Variants in MRFAP1L1 observed in about 807,000 individuals in gnomAD.
MRFAP1L1 encodes Morf4 family associated protein 1 like 1.
In MRFAP1L1, 9 loss-of-function variants were observed where a neutral mutation model predicts 10.6. The ratio of observed to expected loss-of-function variants is 0.85; its 90% CI spans 0.51 to 1.48. The LOEUF (loss-of-function observed/expected upper bound fraction) is 1.48. Ranked by LOEUF, MRFAP1L1 falls within the 40% of genes most tolerant of loss-of-function variation. The pLI is 0.00. For missense variants in MRFAP1L1, 177 were observed against 171.4 expected, an observed-to-expected ratio of 1.03 and a Z score of -0.18; for synonymous variants, 78 against 70.4, an observed-to-expected ratio of 1.11 and a Z score of -0.54.
In MRFAP1L1 at chr4:6,709,527, T is replaced by C. The variant is rs757128265; in HGVS notation, c.103A>G (p.Met35Val). 4.3e-6 allele frequency: 7 copies of C among 1,614,156 alleles called. No individual in the cohort carries two copies. Among genetic ancestry groups the C allele is most frequent in the Non-Finnish European group, 5.9e-6 (7 of 1,180,052 alleles). Residue 35 changes from methionine to valine, a missense_variant, in exon 1 of 2, where the codon ATG (methionine) becomes GTG (valine). Physicochemically the swap from Met to Val is conservative, Grantham distance 21. Transcript: ENST00000320848. ...EQFLLPVINE[M>V]REDIASLIRE... ...ATAAGAGACGCGATGTCCTCGCGCA[T>C]CTCGTTGATGACCGGGAGCAGGAAC...
rs1577327100 is a variant in MRFAP1L1, at chr4:6,709,860, G to A, written c.-231C>T. ...CACACAAATAAGCGGCCTACAAAAT[G>A]GAGTCGCAGCCGTCAACTCGCCCTC... On this transcript the variant is annotated 5_prime_UTR_variant, in exon 1 of 2. Coordinates refer to ENST00000320848, the MANE Select transcript of MRFAP1L1 (RefSeq NM_203462.3). 3.4e-6 allele frequency: 2 copies of A among 588,708 alleles called. No homozygotes were observed. Among genetic ancestry groups the A allele is most frequent in the East Asian group, 6.2e-5 (2 of 32,274 alleles). 36.5% of individuals were successfully genotyped at this position (588,708 alleles called of 1,614,324 possible).
At position 6,709,262 on chromosome 4, in the gene MRFAP1L1, C is replaced by T. The variant is rs908386991; in HGVS notation, c.368G>A (p.Arg123Lys). Residue 123 changes from arginine (R) to lysine (K), a missense_variant, in exon 1 of 2, where the codon AGA becomes AAA. Arg to Lys is a conservative substitution (Grantham distance 26). Transcript: ENST00000320848. Reference sequence around the variant, plus strand: ...TCTCCTCCTTCAAGAAGACTCGCTTCTCTCTATTCGCCAGACGAGCTCGAC... The same window carrying T: ...TCTCCTCCTTCAAGAAGACTCGCTTTTCTCTATTCGCCAGACGAGCTCGAC... ...MLVELVWRIE[R>K]SESS 8 of 1,613,580 alleles carry T rather than the reference C, an allele frequency of 5.0e-6. No homozygotes were observed. Among genetic ancestry groups the T allele is most frequent in the Admixed American group, 1.7e-5 (1 of 60,010 alleles).
rs1454771119 is a variant in MRFAP1L1, at chr4:6,709,471, G to A, written c.159C>T (p.Thr53=). Residue 53 remains threonine, a synonymous_variant, in exon 1 of 2, where the codon ACC becomes ACT. Coordinates refer to ENST00000320848, the MANE Select transcript of MRFAP1L1 (RefSeq NM_203462.3). ...TGTCCATCTCCCACAGCTTGCTCCT[G>A]GTCCGCAGGTACGCCCGCCCGTGCT... ...IREHGRAYLR[T]RSKLWEMDNM... is the part of the protein sequence containing the mutation. 1 of 1,614,256 alleles carries A rather than the reference G, an allele frequency of 6.2e-7. No homozygotes were observed. The highest frequency in any genetic ancestry group is 1.7e-5 in the Admixed American group (1 of 60,028).
rs1714653826 is a variant in MRFAP1L1 at position 6,708,164 on chromosome 4, A to C, written c.*495T>G. Reference sequence around the variant, plus strand: ...ATATACAAAACCATCTTCCATCTCCAACTGTCTTCTCTTTCTTCCCAGTTT... The same window carrying C: ...ATATACAAAACCATCTTCCATCTCCCACTGTCTTCTCTTTCTTCCCAGTTT... On this transcript the variant is annotated 3_prime_UTR_variant, in exon 2 of 2. Coordinates refer to ENST00000320848, the MANE Select transcript of MRFAP1L1 (RefSeq NM_203462.3). 1 of 152,592 alleles carries C rather than the reference A, an allele frequency of 6.6e-6. No individual in the cohort carries two copies. The highest frequency in any genetic ancestry group is 2.4e-5 in the African/African-American group (1 of 41,424). The allele number at this position is 152,592 out of a possible 1,614,324, so 9.5% of individuals were successfully genotyped here.
intron 1 of MRFAP1L1, 143 bp downstream of exon 1, chr4:6,709,088 C>G: frequency 1.1e-6 from 1 of 948,042 alleles, no homozygotes; most frequent in Non-Finnish European, 1.6e-6. Flanking sequence ...CTCTTGACCC[C>G]AACTTTGTTC....
rs1393021024 is a variant in MRFAP1L1 at position 6,709,390 on chromosome 4, A to AT, written c.239dup (p.Asn80LysfsTer22). The AT allele has an allele frequency of 1.2e-6, 2 of 1,614,078 alleles. No individual in the cohort carries two copies. The highest frequency in any genetic ancestry group is 2.7e-5 in the African/African-American group (2 of 74,920). On this transcript the variant is annotated frameshift_variant, in exon 1 of 2. Coordinates refer to ENST00000320848, the MANE Select transcript of MRFAP1L1 (RefSeq NM_203462.3). LOFTEE classifies it high-confidence loss of function. The stretch of plus-strand genomic sequence containing the variant: ...CTTCGCCACTCGGGTGCTGCACGTG[A>AT]TTGAGGGCGCTCTCCTCCGAGGCCT...
rs1714665441 is a variant in MRFAP1L1 at position 6,708,431 on chromosome 4, A to G, written c.*228T>C. On this transcript the variant is annotated 3_prime_UTR_variant, in exon 2 of 2. Transcript: ENST00000320848. ...TTAATTAAGCCCCATTTCTCTTCTG[A>G]GAGTATTTCTTTGACAAAAGTTATA... 2 of 152,274 alleles carry G rather than the reference A, an allele frequency of 1.3e-5. No homozygotes were observed. The highest frequency in any genetic ancestry group is 4.1e-4 in the South Asian group (2 of 4,836). The allele number at this position is 152,274 out of a possible 1,614,324, so 9.4% of individuals were successfully genotyped here.
intron 1 of MRFAP1L1, 128 bp downstream of exon 1, chr4:6,709,103 T>A (rs1396634582): frequency 3.3e-5 from 35 of 1,055,696 alleles, no homozygotes; most frequent in Non-Finnish European, 4.7e-5. Flanking sequence ...TTGTTCCCAA[T>A]GCTCAATTTT....
At chr4:6,708,720 G>A (rs1714676422) in intron 1 of MRFAP1L1, 77 bp from the exon 2 acceptor site, 1 of 155,442 alleles carries the variant, frequency 6.4e-6, no homozygotes, top group Non-Finnish European at 1.4e-5. Context: ...AAAAATAAAT[G>A]TGAACCACCC....
chr4:6,709,120 A>G, intron 1 of MRFAP1L1, 111 bp downstream of exon 1: 1 of 1,201,874 alleles, frequency 8.3e-7, no homozygotes, highest in Non-Finnish European at 1.2e-6. Context: ...TTTTTGATGC[A>G]ATAAAATGGG....
chr4:6,709,193 T>A (rs975476253), intron 1 of MRFAP1L1, 38 bp downstream of exon 1: 1 of 1,592,858 alleles, frequency 6.3e-7, no homozygotes, highest in Non-Finnish European at 8.6e-7. Context: ...GGGCGACTAC[T>A]GAGTTTCATC....
rs772245804 is a variant in MRFAP1L1 at position 6,708,472 on chromosome 4, A to G, written c.*187T>C. The G allele has an allele frequency of 2.0e-5, 3 of 152,262 alleles. No homozygotes were observed. Among genetic ancestry groups the G allele is most frequent in the Admixed American group, 6.5e-5 (1 of 15,290 alleles). The allele number at this position is 152,262 out of a possible 1,614,324, so 9.4% of individuals were successfully genotyped here. Reference sequence around the variant, plus strand: ...AAAAGTTATATTTCCAAAACCAAACACATTTGATAATCTAAATCCATATCG... The same window carrying G: ...AAAAGTTATATTTCCAAAACCAAACGCATTTGATAATCTAAATCCATATCG... On this transcript the variant is annotated 3_prime_UTR_variant, in exon 2 of 2. Transcript: ENST00000320848.
rs1714741145 is a variant in MRFAP1L1, at chr4:6,709,856, A to C, written c.-227T>G. 1.7e-6 allele frequency: 1 copy of C among 604,304 alleles called. No homozygotes were observed. Among genetic ancestry groups the C allele is most frequent in the Non-Finnish European group, 2.8e-6 (1 of 352,738 alleles). The allele number at this position is 604,304 out of a possible 1,614,324, so 37.4% of individuals were successfully genotyped here. On this transcript the variant is annotated 5_prime_UTR_variant, in exon 1 of 2. Coordinates refer to ENST00000320848, the MANE Select transcript of MRFAP1L1 (RefSeq NM_203462.3). ...GATGCACACAAATAAGCGGCCTACA[A>C]AATGGAGTCGCAGCCGTCAACTCGC...
At chr4:6,708,952 T>G (rs1714686105) in intron 1 of MRFAP1L1, 3 of 426,376 alleles carry the variant, frequency 7.0e-6, no homozygotes, top group Admixed American at 3.7e-5. Flanking sequence ...CTATTAGAAT[T>G]GACTTTTATG....
chr4:6,709,452 T>C lies in MRFAP1L1; in HGVS notation c.178A>G (p.Met60Val). Reference sequence around the variant, plus strand: ...TTGATCTGGATAAGCATATTGTCCATCTCCCACAGCTTGCTCCTGGTCCGC... The same window carrying C: ...TTGATCTGGATAAGCATATTGTCCACCTCCCACAGCTTGCTCCTGGTCCGC... ...YLRTRSKLWE[M>V]DNMLIQIKTQ... The change falls in exon 1 of 2, where the codon ATG becomes GTG. Residue 60 changes from methionine to valine, a missense_variant. Physicochemically the swap from Met to Val is conservative, Grantham distance 21 (BLOSUM62 1). Transcript: ENST00000320848. 1 of 1,614,252 alleles carries C rather than the reference T, an allele frequency of 6.2e-7. No individual in the cohort carries two copies. Among genetic ancestry groups the C allele is most frequent in the Non-Finnish European group, 8.5e-7 (1 of 1,180,050 alleles).
In MRFAP1L1 at chr4:6,707,999, A is replaced by G. The variant is rs1268241847; in HGVS notation, c.*660T>C. On this transcript the variant is annotated 3_prime_UTR_variant, in exon 2 of 2. Transcript: ENST00000320848. Reference sequence around the variant, plus strand: ...GTGTGAGGGTATTACAATAGTCCCTATTCAAACTGCCTTGTCATAAAAGGT... The same window carrying G: ...GTGTGAGGGTATTACAATAGTCCCTGTTCAAACTGCCTTGTCATAAAAGGT... 6.6e-6 allele frequency: 1 copy of G among 152,504 alleles called. No individual in the cohort carries two copies. The highest frequency in any genetic ancestry group is 6.6e-5 in the Admixed American group (1 of 15,256). The allele number at this position is 152,504 out of a possible 1,614,324, so 9.4% of individuals were successfully genotyped here. A position where few individuals can be genotyped will look rare whatever the true frequency, so the allele number is the denominator to read the frequency against.
rs1714717397 is a variant in MRFAP1L1, at chr4:6,709,496, T to C, written c.134A>G (p.Glu45Gly). The C allele has an allele frequency of 6.2e-7, 1 of 1,614,140 alleles. No homozygotes were observed. The highest frequency in any genetic ancestry group is 1.1e-5 in the South Asian group (1 of 91,096). ...GGTCCGCAGGTACGCCCGCCCGTGC[T>C]CGCGTATAAGAGACGCGATGTCCTC... ...MREDIASLIR[E>G]HGRAYLRTRS... The change falls in exon 1 of 2, where the codon GAG becomes GGG. Residue 45 changes from glutamate (E) to glycine (G), a missense_variant. By Grantham distance (98) the Glu-to-Gly change is moderately conservative. Coordinates refer to ENST00000320848, the MANE Select transcript of MRFAP1L1 (RefSeq NM_203462.3).
chr4:6,709,186 C>A (rs965016344), intron 1 of MRFAP1L1, 45 bp downstream of exon 1: 2 of 1,582,898 alleles, frequency 1.3e-6, no homozygotes, highest in Non-Finnish European at 1.7e-6. Flanking sequence ...ATGCTTAGGG[C>A]GACTACTGAG....
Position 6,709,253 on chromosome 4 carries a change from G to C in MRFAP1L1, c.377C>G (p.Ser126Cys). Residue 126 changes from serine (S) to cysteine (C), a missense_variant, in exon 1 of 2, where the codon TCT becomes TGT. Transcript: ENST00000320848. Reference sequence around the variant, plus strand: ...TACCACCGATCTCCTCCTTCAAGAAGACTCGCTTCTCTCTATTCGCCAGAC... The same window carrying C: ...TACCACCGATCTCCTCCTTCAAGAACACTCGCTTCTCTCTATTCGCCAGAC... ...ELVWRIERSE[S>C]S 1 of 1,613,030 alleles carries C rather than the reference G, an allele frequency of 6.2e-7. No individual in the cohort carries two copies.
Sources: allele counts gnomAD v4.1 joint callset, GRCh38; gene constraint gnomAD v4.1.1; transcripts MANE v1.5; gene names NCBI Gene and HGNC (gene_info 2026-07-23, HGNC 2026-07-21).